Variants in NFIB observed in about 807,000 individuals in gnomAD.
NFIB encodes nuclear factor 1 B-type.
In NFIB, 11 loss-of-function variants were observed where a neutral mutation model predicts 61.5. The observed-to-expected ratio is 0.18, with a 90% CI of 0.11 to 0.30. The LOEUF (loss-of-function observed/expected upper bound fraction) is 0.30. Among genes scored for constraint, NFIB ranks in the 10% least tolerant of loss-of-function variants. The pLI is 1.00. For synonymous variants in NFIB, 260 were observed against 216.5 expected, an observed-to-expected ratio of 1.20 and a Z score of -1.76; for missense variants, 471 against 608.9, an observed-to-expected ratio of 0.77 and a Z score of 2.38.
At chr9:14,414,113 C>T in the NFIB span, among the ~76,000 whole-genome samples, 14 of 152,020 alleles carry the variant, frequency 9.2e-5, no homozygotes, top group Non-Finnish European at 1.3e-4. Context: ...TGCCATGTCC[C>T]GTTTTCATAA....
At chr9:14,150,004 G>A (rs755981047) in intron 5 of NFIB, 141 bp downstream of exon 5, 18 of 1,218,390 alleles carry the variant, frequency 1.5e-5, no homozygotes, top group Non-Finnish European at 1.9e-5. Flanking sequence ...AATTTAACCA[G>A]GAAAGATTAA....
At chr9:14,380,451 A>C (rs1171676564) in intron 1 of NFIB, among the ~76,000 whole-genome samples, 3 of 152,222 alleles carry the variant, frequency 2.0e-5, no homozygotes, top group African/African-American at 7.2e-5. Flanking sequence ...GGTTAAAACT[A>C]AAGGGAAATG....
chr9:14,214,229 C>G (rs900461657), intron 2 of NFIB, among the ~76,000 whole-genome samples: 5 of 152,200 alleles, frequency 3.3e-5, no homozygotes, highest in Non-Finnish European at 5.9e-5. Context: ...TCCCCACCAG[C>G]CTGCTCTTCT....
chr9:14,519,870 C>T, the NFIB span, among the ~76,000 whole-genome samples: 1 of 152,250 alleles, frequency 6.6e-6, no homozygotes, highest in Non-Finnish European at 1.5e-5. Context: ...CCTTAGATGC[C>T]TAGGCCCTTA....
At chr9:14,376,518 A>ATTTTTT (rs35781223) in intron 1 of NFIB, among the ~76,000 whole-genome samples, 1 of 141,242 alleles carries the variant, frequency 7.1e-6, no homozygotes, top group East Asian at 2.1e-4. Context: ...TAAAAGTGTC[A>ATTTTTT]TTTTTTTTTT....
intron 9 of NFIB, among the ~76,000 whole-genome samples, chr9:14,114,836 AT>A (rs2037887521): frequency 1.3e-5 from 2 of 152,190 alleles, no homozygotes; most frequent in Non-Finnish European, 2.9e-5. Flanking sequence ...TTAAAAAAAA[AT>A]CTTTGTTTTC....
chr9:14,091,588 G>A (rs1441079509), intron 10 of NFIB, among the ~76,000 whole-genome samples: 1 of 151,768 alleles, frequency 6.6e-6, no homozygotes, highest in Non-Finnish European at 1.5e-5. Flanking sequence ...ATAACTGAAA[G>A]GATTTCAAAA....
At chr9:14,356,788 C>T (rs1391666329) in intron 1 of NFIB, among the ~76,000 whole-genome samples, 1 of 152,122 alleles carries the variant, frequency 6.6e-6, no homozygotes, top group Non-Finnish European at 1.5e-5. Flanking sequence ...TTTTATAGTG[C>T]ATGCCATACC....
At chr9:14,359,274 G>T (rs56037643) in intron 1 of NFIB, among the ~76,000 whole-genome samples, 1 of 152,170 alleles carries the variant, frequency 6.6e-6, no homozygotes, top group Admixed American at 6.5e-5. Context: ...GTGTGACTAG[G>T]TTAAGGATCT....
At chr9:14,269,021 C>T (rs898531428) in intron 2 of NFIB, among the ~76,000 whole-genome samples, 8 of 152,066 alleles carry the variant, frequency 5.3e-5, no homozygotes, top group African/African-American at 1.7e-4. Context: ...TCATGTAGTC[C>T]TTGTTTCAGG....
At chr9:14,405,621 A>G in the NFIB span, among the ~76,000 whole-genome samples, 7 of 152,220 alleles carry the variant, frequency 4.6e-5, no homozygotes, top group Non-Finnish European at 7.4e-5. Context: ...TCCAAAAAAA[A>G]TGGATGAACT....
the NFIB span, among the ~76,000 whole-genome samples, chr9:14,419,833 G>A: frequency 2.0e-5 from 3 of 152,310 alleles, no homozygotes; most frequent in Middle Eastern, 3.4e-3. Flanking sequence ...GACATATGAG[G>A]CGAACAATCC....
At chr9:14,107,549 A>T in intron 10 of NFIB, among the ~76,000 whole-genome samples, 1 of 152,126 alleles carries the variant, frequency 6.6e-6, no homozygotes, top group East Asian at 1.9e-4. Flanking sequence ...AGAGGCTACT[A>T]CAACTTGTAA....
intron 1 of NFIB, among the ~76,000 whole-genome samples, chr9:14,370,565 C>T (rs2061347359): frequency 1.3e-5 from 2 of 152,214 alleles, no homozygotes; most frequent in Non-Finnish European, 2.9e-5. Flanking sequence ...ACTTTATAAA[C>T]ACTTGACTTC....
At chr9:14,523,877 C>G in the NFIB span, among the ~76,000 whole-genome samples, 1 of 152,128 alleles carries the variant, frequency 6.6e-6, no homozygotes, top group Non-Finnish European at 1.5e-5. Context: ...TATGGGCCTT[C>G]TTCTTACTCT....
rs2032346558 is a variant in NFIB, at chr9:14,083,464, GA to G, written c.*4844del. On this transcript the variant is annotated 3_prime_UTR_variant, in exon 11 of 11. Transcript: ENST00000380953. ...TTTTTGAGCTTTTACTATTGAACTTGAATAGCCTGCACATTAAAAAAAAAAA... is the reference window on the plus strand; with the variant it reads ...TTTTTGAGCTTTTACTATTGAACTTGATAGCCTGCACATTAAAAAAAAAAA... 1.2e-5 allele frequency: 2 copies of G among 166,778 alleles called. No individual in the cohort carries two copies. The highest frequency in any genetic ancestry group is 5.0e-4 in the South Asian group (2 of 3,966). 10.3% of individuals were successfully genotyped at this position (166,778 alleles called of 1,614,324 possible).
At chr9:14,331,531 C>T (rs1418465006) in intron 1 of NFIB, among the ~76,000 whole-genome samples, 1 of 152,210 alleles carries the variant, frequency 6.6e-6, no homozygotes, top group East Asian at 1.9e-4. Context: ...TCATTCAATA[C>T]CCTGTGGGGA....
chr9:14,473,205 T>G, the NFIB span, among the ~76,000 whole-genome samples: 1 of 152,224 alleles, frequency 6.6e-6, no homozygotes, highest in South Asian at 2.1e-4. Flanking sequence ...ACAGGCTATG[T>G]TTCAGGAGGA....
intron 3 of NFIB, among the ~76,000 whole-genome samples, chr9:14,178,062 C>A (rs2046366139): frequency 6.6e-6 from 1 of 152,150 alleles, no homozygotes; most frequent in Non-Finnish European, 1.5e-5. Flanking sequence ...ATGCAGAAAA[C>A]ATATCCGTTG....
Sources: allele counts gnomAD v4.1 joint callset (sites outside exome capture counted in the v4.1 genomes callset), GRCh38; gene constraint gnomAD v4.1.1; transcripts MANE v1.5; gene names NCBI Gene and HGNC (gene_info 2026-07-23, HGNC 2026-07-21).